The following AP1B1 variants were observed in gnomAD, a reference collection of about 807,000 sequenced individuals.
The protein encoded by AP1B1 is adaptor related protein complex 1 subunit beta 1.
Under a neutral mutation model 104.3 loss-of-function variants are expected in AP1B1, and 36 were observed. The ratio of observed to expected loss-of-function variants is 0.35; its 90% CI spans 0.26 to 0.46. The LOEUF is 0.46. Among genes scored for constraint, AP1B1 ranks in the 20% least tolerant of loss-of-function variants. The pLI, the probability that AP1B1 is intolerant of heterozygous loss-of-function variation, is 1.00. For missense variants in AP1B1, 901 were observed against 1,247.9 expected (o/e 0.72, Z 4.19); for synonymous variants, 504 against 517.5 (o/e 0.97, Z 0.35).
At chr22:29,348,423 TC>T (rs1370953807) in intron 11 of AP1B1, among the ~76,000 whole-genome samples, 1 of 152,210 alleles carries the variant, frequency 6.6e-6, no homozygotes, top group Non-Finnish European at 1.5e-5. Flanking sequence ...TTGCCTAGTG[TC>T]CCCAAGCACA....
chr22:29,338,680 C>T (rs1019272790), intron 16 of AP1B1, among the ~76,000 whole-genome samples: 5 of 152,316 alleles, frequency 3.3e-5, no homozygotes, highest in African/African-American at 1.2e-4. Flanking sequence ...ACCTGACAGG[C>T]CTCTGCTGAT....
chr22:29,354,088 T>C (rs995944004), intron 7 of AP1B1, among the ~76,000 whole-genome samples: 3 of 152,144 alleles, frequency 2.0e-5, no homozygotes, highest in African/African-American at 4.8e-5. Flanking sequence ...GGGAGGGAAG[T>C]GGGCGGCACA....
chr22:29,343,937 C>G (rs371671657), intron 11 of AP1B1, among the ~76,000 whole-genome samples: 1 of 152,002 alleles, frequency 6.6e-6, no homozygotes, highest in South Asian at 2.1e-4. Flanking sequence ...ATGGTGAAAC[C>G]CTGTCTTTAC....
At position 29,359,813 on chromosome 22, in the gene AP1B1, C is replaced by T. The variant is rs77980793; in HGVS notation, c.279+11G>A. 1,122 of 1,610,538 alleles carry T rather than the reference C, an allele frequency of 7.0e-4. 8 individuals are homozygous for T. The African/African-American group carries it at 0.013, about 19-fold the overall frequency. On this transcript the variant is annotated intron_variant, in intron 4 of 22. Transcript: ENST00000357586. Reference sequence around the variant, plus strand: ...ACCCAATGTCCCCACGCCCACCAAGCGTCTGCTCACCTTCACAAAGGTGTT... The same window carrying T: ...ACCCAATGTCCCCACGCCCACCAAGTGTCTGCTCACCTTCACAAAGGTGTT...
chr22:29,342,164 C>T (rs2061724996), intron 12 of AP1B1, 121 bp downstream of exon 12: 4 of 799,296 alleles, frequency 5.0e-6, no homozygotes, highest in Admixed American at 5.4e-5. Context: ...GGAAGCCAGT[C>T]CCACCCACAA....
intron 1 of AP1B1, among the ~76,000 whole-genome samples, chr22:29,381,755 CATAGGT>C (rs1206346402): frequency 2.0e-5 from 3 of 152,060 alleles, no homozygotes; most frequent in African/African-American, 7.2e-5. Flanking sequence ...CACCTGCTCC[CATAGGT>C]ATCAGCTCAG....
At chr22:29,388,204 T>G (rs949797888) in intron 1 of AP1B1, among the ~76,000 whole-genome samples, 7 of 152,096 alleles carry the variant, frequency 4.6e-5, no homozygotes, top group African/African-American at 1.7e-4. Flanking sequence ...CAGGAGGTGC[T>G]GCGGGTATGG....
chr22:29,385,662 G>C (rs2062510728), intron 1 of AP1B1, among the ~76,000 whole-genome samples: 1 of 152,168 alleles, frequency 6.6e-6, no homozygotes, highest in Non-Finnish European at 1.5e-5. Flanking sequence ...TCCATGTGAA[G>C]ACATAAAGAA....
At chr22:29,368,254 C>T (rs929563769) in intron 1 of AP1B1, among the ~76,000 whole-genome samples, 9 of 152,010 alleles carry the variant, frequency 5.9e-5, no homozygotes, top group African/African-American at 2.2e-4. Flanking sequence ...GCTGAGACCA[C>T]ACCACTGCAC....
In AP1B1 at chr22:29,356,633, G is replaced by A. The variant is rs567421451; in HGVS notation, c.526-17C>T. 362 of 1,611,972 alleles carry A rather than the reference G, an allele frequency of 2.2e-4. No homozygotes were observed. The Middle Eastern group carries it at 4.0e-3, about 18-fold the overall frequency. ...GGCCACCACCTGGTTGAGAGGGTGG[G>A]AGGGGCAGAGGCTGGGGGTGCTGCT... On this transcript the variant is annotated splice_polypyrimidine_tract_variant and intron_variant, in intron 5 of 22. Coordinates refer to ENST00000357586, the MANE Select transcript of AP1B1 (RefSeq NM_001127.4).
At chr22:29,380,205 T>G (rs2062415107) in intron 1 of AP1B1, among the ~76,000 whole-genome samples, 1 of 152,188 alleles carries the variant, frequency 6.6e-6, no homozygotes. Context: ...TAGGATGCCA[T>G]GCTCTCTGCC....
At chr22:29,373,424 CAAAG>C (rs2062275016) in intron 1 of AP1B1, among the ~76,000 whole-genome samples, 1 of 151,936 alleles carries the variant, frequency 6.6e-6, no homozygotes, top group African/African-American at 2.4e-5. Context: ...TTCATGTGTA[CAAAG>C]CTCTAAGAGG....
chr22:29,346,239 T>A (rs2061791017), intron 11 of AP1B1, among the ~76,000 whole-genome samples: 1 of 152,186 alleles, frequency 6.6e-6, no homozygotes, highest in South Asian at 2.1e-4. Context: ...TTGGCTTACC[T>A]CTCCCTGTCC....
intron 1 of AP1B1, among the ~76,000 whole-genome samples, chr22:29,383,448 C>T (rs9613878): frequency 0.3 from 46,256 of 151,914 alleles, 7,570 homozygotes; most frequent in East Asian, 0.67. Flanking sequence ...CGGTGGCTCA[C>T]GCCTGTAATC....
chr22:29,361,231 G>A (rs2062040389), intron 3 of AP1B1, among the ~76,000 whole-genome samples: 1 of 152,198 alleles, frequency 6.6e-6, no homozygotes, highest in Non-Finnish European at 1.5e-5. Flanking sequence ...GCTTCCAAAG[G>A]GCTCTCTGCA....
At chr22:29,373,145 C>A (rs2062269120) in intron 1 of AP1B1, among the ~76,000 whole-genome samples, 1 of 152,050 alleles carries the variant, frequency 6.6e-6, no homozygotes. Context: ...GTGGTGCACA[C>A]CTGTAGTCCC....
At chr22:29,383,873 C>A (rs1376688723) in intron 1 of AP1B1, among the ~76,000 whole-genome samples, 3 of 152,136 alleles carry the variant, frequency 2.0e-5, no homozygotes, top group Admixed American at 6.6e-5. Flanking sequence ...CACACTCATA[C>A]CACAACTAGG....
intron 1 of AP1B1, among the ~76,000 whole-genome samples, chr22:29,386,826 C>A (rs1001416304): frequency 6.6e-6 from 1 of 152,152 alleles, no homozygotes; most frequent in Non-Finnish European, 1.5e-5. Context: ...AGTGAATATC[C>A]GCAATGGAAT....
chr22:29,332,246 G>A (rs1485731177), intron 17 of AP1B1: 2 of 245,164 alleles, frequency 8.2e-6, no homozygotes, highest in Non-Finnish European at 1.6e-5. Context: ...CCCTCAAGGA[G>A]CTCTGTCTAA....
Sources: allele counts gnomAD v4.1 joint callset (sites outside exome capture counted in the v4.1 genomes callset), GRCh38; gene constraint gnomAD v4.1.1; transcripts MANE v1.5; gene names NCBI Gene and HGNC (gene_info 2026-07-23, HGNC 2026-07-21).